MAGI1: variants seen among roughly 807,000 people sequenced by gnomAD.
MAGI1 encodes membrane-associated guanylate kinase, WW and PDZ domain-containing protein 1.
A neutral mutation model predicts 139.9 loss-of-function variants in MAGI1; 58 were observed. That is an observed-to-expected ratio of 0.41 (90% CI 0.34 to 0.52). The LOEUF (loss-of-function observed/expected upper bound fraction) is 0.52. Among genes scored for constraint, MAGI1 ranks in the 20% least tolerant of loss-of-function variants. MAGI1 has a pLI of 0.12. For synonymous variants in MAGI1, 812 were observed against 737.9 expected (o/e 1.10, Z -1.63); for missense variants, 1,874 against 1,901.6 (o/e 0.99, Z 0.27).
chr3:65,555,343 A>G (rs569992650), intron 2 of MAGI1, among the ~76,000 whole-genome samples: 6 of 152,272 alleles, frequency 3.9e-5, no homozygotes, highest in Non-Finnish European at 5.9e-5. Flanking sequence ...GCCATGCTTT[A>G]TAAGTCTTAT....
chr3:65,724,361 A>G (rs1278707247), intron 1 of MAGI1, among the ~76,000 whole-genome samples: 4 of 152,246 alleles, frequency 2.6e-5, no homozygotes, highest in Admixed American at 1.3e-4. Flanking sequence ...CAGCCCTTTC[A>G]GCATGGGACT....
At chr3:65,687,922 A>G in intron 1 of MAGI1, 1 of 680,440 alleles carries the variant, frequency 1.5e-6, no homozygotes, top group Non-Finnish European at 2.8e-6. Context: ...GCCATTCGGC[A>G]TGCCCGCTGG....
At chr3:65,785,164 CAT>C (rs1204937450) in intron 1 of MAGI1, among the ~76,000 whole-genome samples, 6 of 152,140 alleles carry the variant, frequency 3.9e-5, no homozygotes, top group African/African-American at 1.4e-4. Flanking sequence ...TTCTGTATCC[CAT>C]ATGTATTCAT....
At chr3:65,565,856 CAAAA>C (rs766254957) in intron 2 of MAGI1, among the ~76,000 whole-genome samples, 5 of 93,916 alleles carry the variant, frequency 5.3e-5, no homozygotes, top group African/African-American at 4.6e-5. Flanking sequence ...GACTCCGTGT[CAAAA>C]AAAAAAAAAA....
At chr3:66,022,926 C>T (rs555758716) in intron 1 of MAGI1, among the ~76,000 whole-genome samples, 126 of 152,280 alleles carry the variant, frequency 8.3e-4, no homozygotes, top group African/African-American at 3.0e-3. Flanking sequence ...TTAACAAAGA[C>T]GAAAGCACAG....
intron 1 of MAGI1, among the ~76,000 whole-genome samples, chr3:66,030,186 C>T (rs2068517067): frequency 6.6e-6 from 1 of 152,152 alleles, no homozygotes; most frequent in Non-Finnish European, 1.5e-5. Flanking sequence ...TAAGAATATT[C>T]CTGGATCAAT....
chr3:65,879,525 T>A (rs777904609), intron 1 of MAGI1, among the ~76,000 whole-genome samples: 1 of 152,186 alleles, frequency 6.6e-6, no homozygotes, highest in Non-Finnish European at 1.5e-5. Context: ...TATAACAACC[T>A]TGGGCAACCT....
intron 2 of MAGI1, among the ~76,000 whole-genome samples, chr3:65,612,568 C>A (rs535525079): frequency 6.6e-6 from 1 of 152,050 alleles, no homozygotes; most frequent in Non-Finnish European, 1.5e-5. Context: ...GAAAATAACA[C>A]AATTGACGTT....
chr3:65,726,156 T>A (rs2033581278), intron 1 of MAGI1, among the ~76,000 whole-genome samples: 1 of 152,202 alleles, frequency 6.6e-6, no homozygotes, highest in Non-Finnish European at 1.5e-5. Context: ...CTATACAGTA[T>A]AAAATAGACA....
intron 14 of MAGI1, among the ~76,000 whole-genome samples, chr3:65,389,337 G>T (rs1285840466): frequency 6.6e-6 from 1 of 152,034 alleles, no homozygotes; most frequent in Non-Finnish European, 1.5e-5. Flanking sequence ...TCTATTAAAC[G>T]GATGTTTTAC....
intron 4 of MAGI1, among the ~76,000 whole-genome samples, chr3:65,472,826 G>C (rs1249393886): frequency 6.6e-6 from 1 of 152,196 alleles, no homozygotes; most frequent in East Asian, 1.9e-4. Context: ...AGACAAGTTG[G>C]AAATCTGTAT....
chr3:65,624,809 A>G (rs1030219666), intron 1 of MAGI1, among the ~76,000 whole-genome samples: 5 of 152,230 alleles, frequency 3.3e-5, no homozygotes, highest in African/African-American at 1.2e-4. Context: ...GTGAATATAT[A>G]ATATTTTTAA....
intron 2 of MAGI1, among the ~76,000 whole-genome samples, chr3:65,548,595 T>C (rs1482613176): frequency 8.1e-5 from 11 of 136,172 alleles, no homozygotes; most frequent in Non-Finnish European, 1.5e-4. Context: ...CGATCTCAGC[T>C]CACTGCAACC....
At chr3:65,497,243 G>A (rs1482399563) in intron 2 of MAGI1, among the ~76,000 whole-genome samples, 16 of 152,010 alleles carry the variant, frequency 1.1e-4, no homozygotes, top group Non-Finnish European at 1.2e-4. Context: ...GAGAGTTTAG[G>A]GGAAAAAAAG....
At chr3:65,444,141 G>GA (rs1948520761) in intron 7 of MAGI1, among the ~76,000 whole-genome samples, 1 of 152,190 alleles carries the variant, frequency 6.6e-6, no homozygotes, top group African/African-American at 2.4e-5. Context: ...AAATCAAAAA[G>GA]AAAAAACATT....
At chr3:65,913,521 G>C (rs1309935796) in intron 1 of MAGI1, among the ~76,000 whole-genome samples, 1 of 152,156 alleles carries the variant, frequency 6.6e-6, no homozygotes, top group African/African-American at 2.4e-5. Context: ...CGGAAGATGG[G>C]GAGGTAGTGT....
rs773800992 is a variant in MAGI1, at chr3:65,453,012, T to C, written c.1042+246A>G. The C allele has an allele frequency of 6.4e-5, 29 of 455,928 alleles. No homozygotes were observed. The Middle Eastern group carries it at 6.7e-3, about 105-fold the overall frequency. The allele number at this position is 455,928 out of a possible 1,614,324, so 28.2% of individuals were successfully genotyped here. A position where few individuals can be genotyped will look rare whatever the true frequency, so the allele number is the denominator to read the frequency against. ...GAGGACGTATCTTCATTTGAACAGT[T>C]TCTGACTGTTCTGCTTCTAATGGAG... On this transcript the variant is annotated intron_variant, in intron 6 of 22. Coordinates refer to ENST00000402939, the MANE Select transcript of MAGI1 (RefSeq NM_001033057.2).
intron 13 of MAGI1, among the ~76,000 whole-genome samples, chr3:65,393,681 T>C (rs1944122240): frequency 6.6e-6 from 1 of 152,178 alleles, no homozygotes; most frequent in Non-Finnish European, 1.5e-5. Flanking sequence ...CACTCTCTTT[T>C]GGTTCCTCAA....
At chr3:65,588,935 G>A (rs1437697126) in intron 2 of MAGI1, among the ~76,000 whole-genome samples, 2 of 152,056 alleles carry the variant, frequency 1.3e-5, no homozygotes, top group Non-Finnish European at 2.9e-5. Context: ...ACAGACGCTA[G>A]GAACACAAAA....
Sources: gnomAD v4.1 joint callset for allele counts (sites outside exome capture counted in the v4.1 genomes callset) on GRCh38, gnomAD v4.1.1 for gene constraint, MANE v1.5 for transcripts, NCBI Gene and HGNC (gene_info 2026-07-23, HGNC 2026-07-21) for gene names.